EXOSC7: variants seen among roughly 807,000 people sequenced by gnomAD.
EXOSC7 encodes exosome component 7.
In EXOSC7, 25 loss-of-function variants were observed where a neutral mutation model predicts 34.3. The ratio of observed to expected loss-of-function variants is 0.73; its 90% CI spans 0.53 to 1.02. The LOEUF is 1.02. EXOSC7 is among the 50% of genes least tolerant of loss of function. The probability of loss-of-function intolerance (pLI) is 0.00; values close to 1 mark genes in which losing one functional copy is unlikely to be tolerated. For synonymous variants in EXOSC7, 130 were observed against 143.0 expected (o/e 0.91, Z 0.65); for missense variants, 370 against 368.5 (o/e 1.00, Z -0.03).
At chr3:44,989,984 C>T (rs1256478971) in intron 3 of EXOSC7, among the ~76,000 whole-genome samples, 1 of 152,166 alleles carries the variant, frequency 6.6e-6, no homozygotes, top group Non-Finnish European at 1.5e-5. Context: ...ATCATTTGGT[C>T]TAAAATGTGC....
intron 6 of EXOSC7, among the ~76,000 whole-genome samples, chr3:45,005,871 GATATATA>G (rs1707022951): frequency 6.6e-6 from 1 of 152,050 alleles, no homozygotes; most frequent in Non-Finnish European, 1.5e-5. Context: ...AGGCTGATGT[GATATATA>G]ACTAATGCTG....
intron 3 of EXOSC7, among the ~76,000 whole-genome samples, chr3:44,990,613 G>A (rs1706543243): frequency 6.6e-6 from 1 of 152,092 alleles, no homozygotes; most frequent in South Asian, 2.1e-4. Context: ...CACAGCTAAG[G>A]TTTATTACAG....
intron 3 of EXOSC7, among the ~76,000 whole-genome samples, chr3:44,994,740 C>T (rs1706670012): frequency 6.6e-6 from 1 of 152,036 alleles, no homozygotes; most frequent in Admixed American, 6.5e-5. Context: ...TTTTCCTAGC[C>T]TCCTCCCCAG....
chr3:44,994,890 TGTGTGTGTG>T (rs1706677933), intron 3 of EXOSC7, among the ~76,000 whole-genome samples: 1 of 151,344 alleles, frequency 6.6e-6, no homozygotes, highest in Non-Finnish European at 1.5e-5. Flanking sequence ...TGTGTGTGTG[TGTGTGTGTG>T]TGTGTGTTTT....
Position 44,976,325 on chromosome 3 carries a change from T to C in EXOSC7, c.48T>C (p.His16=), listed in dbSNP as rs1706013413. The part of the protein sequence containing the change: ...LSEAEKVYIV[H]GVQEDLRVDG... ...AGGCGGAGAAGGTGTACATCGTGCA[T>C]GGCGTCCAGGTAGCTACAGCAGCGG... Residue 16 remains histidine, a synonymous_variant, in exon 1 of 8, where the codon CAT becomes CAC. Coordinates refer to ENST00000265564, the MANE Select transcript of EXOSC7 (RefSeq NM_015004.4). 1 of 1,571,018 alleles carries C rather than the reference T, an allele frequency of 6.4e-7. No homozygotes were observed. The highest frequency in any genetic ancestry group is 1.4e-5 in the African/African-American group (1 of 71,292).
chr3:44,989,569 TG>T lies in EXOSC7; in HGVS notation c.182del (p.Gly61GlufsTer2). 1 of 1,613,894 alleles carries T rather than the reference TG, an allele frequency of 6.2e-7. No homozygotes were observed. The highest frequency in any genetic ancestry group is 8.5e-7 in the Non-Finnish European group (1 of 1,179,930). ...CTGCAGGGTCACACAGACATCTTGG[TG>T]GGAGTGAAAGCAGAAATGGGGACGC... The part of the protein sequence containing the change: ...RVKLGHTDIL[V>X]GVKAEMGTPK... On this transcript the variant is annotated frameshift_variant, in exon 3 of 8. Coordinates refer to ENST00000265564, the MANE Select transcript of EXOSC7 (RefSeq NM_015004.4). LOFTEE classifies it high-confidence loss of function.
At chr3:44,996,433 T>A (rs1015785494) in intron 3 of EXOSC7, among the ~76,000 whole-genome samples, 9 of 152,184 alleles carry the variant, frequency 5.9e-5, no homozygotes, top group African/African-American at 2.2e-4. Context: ...GTTTTTCTCT[T>A]GAAAAATATC....
intron 6 of EXOSC7, among the ~76,000 whole-genome samples, chr3:45,005,749 G>T (rs1445226617): frequency 6.6e-6 from 1 of 152,158 alleles, no homozygotes; most frequent in Non-Finnish European, 1.5e-5. Flanking sequence ...GGTCTAGGGT[G>T]GTTGAGTAGT....
At chr3:44,991,301 C>T (rs952917149) in intron 3 of EXOSC7, among the ~76,000 whole-genome samples, 1 of 152,122 alleles carries the variant, frequency 6.6e-6, no homozygotes, top group African/African-American at 2.4e-5. Context: ...CTGAGTTGTC[C>T]CATGGAATTG....
At chr3:44,992,748 G>A (rs1210354822) in intron 3 of EXOSC7, among the ~76,000 whole-genome samples, 1 of 152,184 alleles carries the variant, frequency 6.6e-6, no homozygotes, top group African/African-American at 2.4e-5. Context: ...TAGTGAGCTG[G>A]TGTGTCACCC....
At chr3:44,996,996 C>G in intron 3 of EXOSC7, 91 bp from the exon 4 acceptor site, 1 of 1,322,022 alleles carries the variant, frequency 7.6e-7, no homozygotes. Flanking sequence ...GCTCTTCCAG[C>G]ATTCTACAGG....
intron 1 of EXOSC7, among the ~76,000 whole-genome samples, chr3:44,978,746 GC>G (rs1706192355): frequency 6.6e-6 from 1 of 152,160 alleles, no homozygotes; most frequent in Non-Finnish European, 1.5e-5. Context: ...CAAGGGGTGG[GC>G]TGGGGGAAAT....
intron 1 of EXOSC7, among the ~76,000 whole-genome samples, chr3:44,980,581 T>A (rs1374915347): frequency 6.6e-6 from 1 of 152,206 alleles, no homozygotes; most frequent in Non-Finnish European, 1.5e-5. Flanking sequence ...GCCACCTTCC[T>A]GCTGCAGTGA....
intron 3 of EXOSC7, 124 bp downstream of exon 3, chr3:44,989,768 A>G (rs1012368361): frequency 2.8e-6 from 2 of 725,856 alleles, no homozygotes. Context: ...TCCAGCAGGC[A>G]TTTGCTGACC....
intron 3 of EXOSC7, 69 bp downstream of exon 3, chr3:44,989,713 C>A: frequency 1.5e-6 from 2 of 1,298,830 alleles, no homozygotes; most frequent in Non-Finnish European, 2.2e-6. Context: ...GAAAATGAAC[C>A]TCTGGTTTGC....
intron 5 of EXOSC7, 83 bp downstream of exon 5, chr3:45,001,691 T>C: frequency 3.1e-6 from 3 of 971,130 alleles, no homozygotes; most frequent in South Asian, 1.3e-5. Flanking sequence ...AAATTTCTAT[T>C]GTAGCTCATA....
At chr3:44,980,821 A>T (rs1166992204) in intron 1 of EXOSC7, among the ~76,000 whole-genome samples, 1 of 152,238 alleles carries the variant, frequency 6.6e-6, no homozygotes, top group Admixed American at 6.5e-5. Context: ...CACATTGAGT[A>T]TAAGTTCCTT....
chr3:44,990,208 G>T (rs1351286595), intron 3 of EXOSC7, among the ~76,000 whole-genome samples: 1 of 152,178 alleles, frequency 6.6e-6, no homozygotes, highest in Non-Finnish European at 1.5e-5. Context: ...TCTCAGGCTG[G>T]TTACTCAGTC....
chr3:44,998,962 A>T (rs960323932), intron 4 of EXOSC7, among the ~76,000 whole-genome samples: 5 of 152,150 alleles, frequency 3.3e-5, no homozygotes, highest in African/African-American at 1.2e-4. Flanking sequence ...TGTCTGAAGA[A>T]GTTTATGTCC....
Sources: allele counts gnomAD v4.1 joint callset (sites outside exome capture counted in the v4.1 genomes callset), GRCh38; gene constraint gnomAD v4.1.1; transcripts MANE v1.5; gene names NCBI Gene and HGNC (gene_info 2026-07-23, HGNC 2026-07-21).